MYL12B: variants seen among roughly 807,000 people sequenced by gnomAD.
MYL12B encodes the protein myosin light chain 12B, also known as myosin regulatory light chain 12B.
MYL12B carries 3 observed loss-of-function variants against 12.9 expected under a neutral mutation model. The observed-to-expected ratio is 0.23, with a 90% CI of 0.11 to 0.60. The LOEUF (loss-of-function observed/expected upper bound fraction) is 0.60. MYL12B is among the 20% of genes least tolerant of loss of function. The probability of loss-of-function intolerance (pLI) is 0.89; values close to 1 mark genes in which losing one functional copy is unlikely to be tolerated. For missense variants in MYL12B, 120 were observed against 215.4 expected (o/e 0.56, Z 2.77); for synonymous variants, 57 against 71.9 (o/e 0.79, Z 1.05).
chr18:3,269,715 G>A (rs1440002845), intron 1 of MYL12B, among the ~76,000 whole-genome samples: 3 of 152,188 alleles, frequency 2.0e-5, no homozygotes, highest in Non-Finnish European at 4.4e-5. Context: ...AAGGAATGAA[G>A]ACTGAAAAGA....
chr18:3,276,808 A>G, intron 2 of MYL12B: 1 of 560,544 alleles, frequency 1.8e-6, no homozygotes, highest in Non-Finnish European at 2.3e-6. Context: ...AGGCCAAGGC[A>G]GGTGGATCAC....
chr18:3,264,921 C>T (rs1299833553), intron 1 of MYL12B, among the ~76,000 whole-genome samples: 1 of 152,126 alleles, frequency 6.6e-6, no homozygotes, highest in Non-Finnish European at 1.5e-5. Context: ...ATTATAAAAA[C>T]TTATTAAGGT....
intron 1 of MYL12B, among the ~76,000 whole-genome samples, chr18:3,267,508 G>A (rs2081643050): frequency 6.6e-6 from 1 of 152,096 alleles, no homozygotes; most frequent in South Asian, 2.1e-4. Context: ...TGATACCACA[G>A]CCACCTATAA....
At chr18:3,276,454 G>C (rs1026101422) in intron 2 of MYL12B, 1 of 984,750 alleles carries the variant, frequency 1.0e-6, no homozygotes, top group African/African-American at 1.8e-5. Context: ...TAAAAGAAGT[G>C]TTCACACTTG....
chr18:3,271,487 A>C (rs1444002780), intron 1 of MYL12B, among the ~76,000 whole-genome samples: 1 of 152,138 alleles, frequency 6.6e-6, no homozygotes, highest in Non-Finnish European at 1.5e-5. Flanking sequence ...TAGGTCCAAA[A>C]TCCCCTTGCT....
intron 1 of MYL12B, among the ~76,000 whole-genome samples, chr18:3,271,002 C>G (rs989479976): frequency 1.3e-5 from 2 of 152,132 alleles, no homozygotes; most frequent in East Asian, 3.8e-4. Flanking sequence ...ATATTTAACT[C>G]TTTTGGAACT....
At chr18:3,262,807 G>C (rs2081604225) in intron 1 of MYL12B, 1 of 152,350 alleles carries the variant, frequency 6.6e-6, no homozygotes, top group Admixed American at 6.5e-5. Flanking sequence ...GTGTGTGGTT[G>C]ATACGGGCTC....
chr18:3,276,234 C>CT (rs1230905934), intron 2 of MYL12B, among the ~76,000 whole-genome samples: 1 of 150,064 alleles, frequency 6.7e-6, no homozygotes, highest in Non-Finnish European at 1.5e-5. Flanking sequence ...ATCTGGAATA[C>CT]TGGGTTTGAA....
chr18:3,263,766 A>G (rs533718437), intron 1 of MYL12B, among the ~76,000 whole-genome samples: 2 of 152,250 alleles, frequency 1.3e-5, no homozygotes, highest in East Asian at 3.9e-4. Flanking sequence ...TTGGGGTGTC[A>G]TTGCTTGTTA....
intron 2 of MYL12B, among the ~76,000 whole-genome samples, chr18:3,276,231 A>T (rs924889028): frequency 1.3e-5 from 2 of 150,296 alleles, no homozygotes; most frequent in African/African-American, 2.4e-5. Flanking sequence ...AGGATCTGGA[A>T]TACTGGGTTT....
chr18:3,262,859 T>A (rs545987730), intron 1 of MYL12B: 1 of 152,388 alleles, frequency 6.6e-6, no homozygotes, highest in South Asian at 2.1e-4. Flanking sequence ...GCTCAGTGTG[T>A]CTTGCATCTT....
rs546939781 is a variant in MYL12B at position 3,277,080 on chromosome 18, A to C, written c.185-173A>C. 368 of 934,280 alleles carry C rather than the reference A, an allele frequency of 3.9e-4. No homozygotes were observed. In the African/African-American group the frequency reaches 6.0e-3, roughly 15 times the overall value. 57.9% of individuals were successfully genotyped at this position (934,280 alleles called of 1,614,324 possible). On this transcript the variant is annotated intron_variant, in intron 2 of 3. Transcript: ENST00000237500. ...AATACATTTTTATAATGATGTATCCAATATTTTTTAAGTTGTCAAAAATAA... is the reference window on the plus strand; with the variant it reads ...AATACATTTTTATAATGATGTATCCCATATTTTTTAAGTTGTCAAAAATAA...
chr18:3,277,967 A>G lies in MYL12B; in HGVS notation c.*30A>G, dbSNP rs150425942. On this transcript the variant is annotated 3_prime_UTR_variant, in exon 4 of 4. Transcript: ENST00000237500. ...ACTTTAGCTAAAATCTTCCAGTTAC[A>G]TTGTCTTACTCTCTTTTACTTCTCA... 419 of 1,605,108 alleles carry G rather than the reference A, an allele frequency of 2.6e-4. 1 individual carries two copies. The East Asian group carries it at 6.0e-3, about 23-fold the overall frequency.
At chr18:3,270,594 C>T (rs1235758327) in intron 1 of MYL12B, among the ~76,000 whole-genome samples, 3 of 152,180 alleles carry the variant, frequency 2.0e-5, no homozygotes, top group Non-Finnish European at 4.4e-5. Flanking sequence ...TCGGACTAAA[C>T]TTCAAAAATG....
chr18:3,269,652 G>A (rs948661420), intron 1 of MYL12B, among the ~76,000 whole-genome samples: 2 of 152,166 alleles, frequency 1.3e-5, no homozygotes, highest in Admixed American at 6.5e-5. Context: ...CTGGAGGTTC[G>A]GATTTAGGAG....
At chr18:3,269,885 C>T (rs569716571) in intron 1 of MYL12B, among the ~76,000 whole-genome samples, 306 of 152,288 alleles carry the variant, frequency 2.0e-3, no homozygotes, top group Non-Finnish European at 3.6e-3. Context: ...CAATATAATG[C>T]TTAGCAGTCT....
At chr18:3,275,902 T>A (rs1234859389) in intron 2 of MYL12B, among the ~76,000 whole-genome samples, 1 of 152,160 alleles carries the variant, frequency 6.6e-6, no homozygotes, top group African/African-American at 2.4e-5. Context: ...ATTGGAACAT[T>A]GAGTAAGTGT....
intron 3 of MYL12B, 47 bp downstream of exon 3, chr18:3,277,461 G>A: frequency 6.4e-7 from 1 of 1,565,388 alleles, no homozygotes; most frequent in South Asian, 1.2e-5. Flanking sequence ...ACTATATAAA[G>A]TACTTCTGTG....
chr18:3,274,762 A>G (rs996734723), intron 2 of MYL12B, among the ~76,000 whole-genome samples: 1 of 152,226 alleles, frequency 6.6e-6, no homozygotes, highest in Non-Finnish European at 1.5e-5. Context: ...TTCATTCACA[A>G]GGACTCAACT....
Sources: allele counts gnomAD v4.1 joint callset (sites outside exome capture counted in the v4.1 genomes callset), GRCh38; gene constraint gnomAD v4.1.1; transcripts MANE v1.5; gene names NCBI Gene and HGNC (gene_info 2026-07-23, HGNC 2026-07-21).